DHRS4L2: variants seen among roughly 807,000 people sequenced by gnomAD.
DHRS4L2 encodes the protein dehydrogenase/reductase 4 like 2, also known as dehydrogenase/reductase SDR family member 4-like 2.
DHRS4L2 carries 22 observed loss-of-function variants against 23.9 expected under a neutral mutation model. That is an observed-to-expected ratio of 0.92 (90% CI 0.66 to 1.31). The LOEUF (loss-of-function observed/expected upper bound fraction) is 1.31, where lower values mean the gene tolerates loss of function less well. DHRS4L2 is among the 40% of genes most tolerant of loss of function. The pLI, the probability that DHRS4L2 is intolerant of heterozygous loss-of-function variation, is 0.00. For missense variants in DHRS4L2, 385 were observed against 303.3 expected (o/e 1.27, Z -2.00); for synonymous variants, 141 against 123.7 (o/e 1.14, Z -0.93).
At chr14:23,975,054 TA>T (rs1486667573) in intron 1 of DHRS4L2, among the ~76,000 whole-genome samples, 1 of 151,720 alleles carries the variant, frequency 6.6e-6, no homozygotes, top group Non-Finnish European at 1.5e-5. Context: ...TCACCACTCT[TA>T]TTCAACATAG....
rs185790808 is a variant in DHRS4L2, at chr14:23,976,309, C to A, written c.-176+5977C>A. ...AGTGGGTAAAAAGTATGAACAGAAA[C>A]TTCTCAAAAGAAGACATTTACACAG... On this transcript the variant is annotated intron_variant, in intron 1 of 5. Coordinates refer to the DHRS4L2 transcript ENST00000534993. 3.5e-3 allele frequency among the ~76,000 whole-genome samples: 538 copies of A among 151,904 alleles called. 7 individuals carry two copies. The highest frequency in any genetic ancestry group is 5.7e-3 in the Non-Finnish European group (387 of 67,928).
intron 2 of DHRS4L2, among the ~76,000 whole-genome samples, chr14:23,993,792 T>C (rs1473056145): frequency 1.3e-5 from 2 of 151,734 alleles, no homozygotes; most frequent in Non-Finnish European, 2.9e-5. Flanking sequence ...ATGGAATTGC[T>C]TTAAATTCAG....
intron 1 of DHRS4L2, among the ~76,000 whole-genome samples, chr14:23,975,627 A>G (rs1333486258): frequency 1.3e-5 from 2 of 151,868 alleles, no homozygotes; most frequent in African/African-American, 4.8e-5. Context: ...AGCCAAGGAA[A>G]TCATAAGCAA....
intron 1 of DHRS4L2, among the ~76,000 whole-genome samples, chr14:23,977,714 A>G (rs1365270419): frequency 2.0e-5 from 3 of 151,548 alleles, no homozygotes; most frequent in African/African-American, 7.3e-5. Flanking sequence ...GACTAGAGAG[A>G]ATTAAATGAC....
chr14:23,973,130 C>G (rs538991233), intron 1 of DHRS4L2, among the ~76,000 whole-genome samples: 12 of 152,056 alleles, frequency 7.9e-5, no homozygotes, highest in African/African-American at 2.9e-4. Flanking sequence ...TTTACTAATC[C>G]ACCAGAGCAC....
At chr14:23,993,872 G>A (rs916015106) in intron 2 of DHRS4L2, among the ~76,000 whole-genome samples, 6 of 151,486 alleles carry the variant, frequency 4.0e-5, no homozygotes, top group African/African-American at 1.5e-4. Context: ...CACTTTCAGA[G>A]GTCTCTTATG....
intron 1 of DHRS4L2, among the ~76,000 whole-genome samples, chr14:23,981,841 C>T (rs956052934): frequency 2.0e-5 from 3 of 151,744 alleles, no homozygotes; most frequent in African/African-American, 7.3e-5. Context: ...TGCTTCTCTC[C>T]ACCCAAACAT....
intron 1 of DHRS4L2, among the ~76,000 whole-genome samples, chr14:23,977,532 T>A (rs1227876317): frequency 6.7e-6 from 1 of 148,660 alleles, no homozygotes; most frequent in Non-Finnish European, 1.5e-5. Context: ...CGGGGAAAAA[T>A]TCATCAAAAC....
At chr14:23,975,719 G>A (rs1459672379) in intron 1 of DHRS4L2, among the ~76,000 whole-genome samples, 2 of 151,836 alleles carry the variant, frequency 1.3e-5, no homozygotes, top group South Asian at 2.1e-4. Context: ...CATGGTACCG[G>A]TACCAAAACA....
At chr14:23,999,999 GTT>G (rs71426826) in intron 3 of DHRS4L2, among the ~76,000 whole-genome samples, 2 of 133,914 alleles carry the variant, frequency 1.5e-5, no homozygotes, top group Admixed American at 7.0e-5. Flanking sequence ...CCAGCCCTGA[GTT>G]TTTTTTTTTT....
intron 1 of DHRS4L2, among the ~76,000 whole-genome samples, chr14:23,982,660 A>G (rs1431800626): frequency 6.6e-6 from 1 of 151,430 alleles, no homozygotes; most frequent in Admixed American, 6.6e-5. Flanking sequence ...CACACCTACA[A>G]CCATCAGATT....
rs759280805 is a variant in DHRS4L2 at position 23,971,645 on chromosome 14, C to T, written c.-176+1313C>T. Among the ~76,000 whole-genome samples the T allele has an allele frequency of 4.8e-4, 73 of 152,140 alleles. 1 individual carries two copies. Among genetic ancestry groups the T allele is most frequent in the African/African-American group, 3.1e-4 (13 of 41,552 alleles). ...AGCAGATCTCTCAGCAGAAACCATACAAACCAGAAAAGAGTTGGGACCAAT... is the reference window on the plus strand; with the variant it reads ...AGCAGATCTCTCAGCAGAAACCATATAAACCAGAAAAGAGTTGGGACCAAT... On this transcript the variant is annotated intron_variant, in intron 1 of 5. Transcript: ENST00000534993.
upstream of DHRS4L2, among the ~76,000 whole-genome samples, chr14:23,987,847 C>A (rs1376769789): frequency 6.6e-6 from 1 of 151,760 alleles, no homozygotes; most frequent in African/African-American, 2.4e-5. Flanking sequence ...TAAACTAATT[C>A]AGATACTTAC....
chr14:23,992,414 C>A (rs1290832489), intron 2 of DHRS4L2, among the ~76,000 whole-genome samples: 1 of 151,536 alleles, frequency 6.6e-6, no homozygotes, highest in African/African-American at 2.4e-5. Context: ...TGATAGAATA[C>A]TTGTCAGCAA....
intron 7 of DHRS4L2, among the ~76,000 whole-genome samples, chr14:24,005,555 A>G (rs2034555559): frequency 6.6e-6 from 1 of 152,092 alleles, no homozygotes; most frequent in African/African-American, 2.4e-5. Context: ...TGCACATGTG[A>G]AACCATTTTT....
rs2034491758 is a variant in DHRS4L2, at chr14:24,001,608, C to G, written c.665+91C>G. ...AAGCCCACTACCTGAGTCCTGAGCT[C>G]TCAGCCACTCCATTCTCCTTCCCTG... On this transcript the variant is annotated intron_variant, in intron 6 of 7. Transcript: ENST00000335125. 6.5e-6 allele frequency: 10 copies of G among 1,526,736 alleles called. No individual in the cohort carries two copies. The South Asian group carries it at 1.3e-4, about 19-fold the overall frequency. 94.6% of individuals were successfully genotyped at this position (1,526,736 alleles called of 1,614,324 possible). A position where few individuals can be genotyped will look rare whatever the true frequency, so the allele number is the denominator to read the frequency against.
chr14:23,996,871 C>A (rs1279042332), intron 3 of DHRS4L2, among the ~76,000 whole-genome samples: 6 of 151,994 alleles, frequency 3.9e-5, no homozygotes, highest in Non-Finnish European at 7.4e-5. Flanking sequence ...CTGGCCTCAA[C>A]TGATCCCCAC....
intron 1 of DHRS4L2, among the ~76,000 whole-genome samples, chr14:23,979,349 C>A (rs1428115239): frequency 8.4e-6 from 1 of 118,570 alleles, no homozygotes; most frequent in Non-Finnish European, 1.7e-5. Flanking sequence ...CAATGGGAGA[C>A]GTTAACACCC....
At chr14:24,000,584 C>A (rs1334229896) in intron 3 of DHRS4L2, among the ~76,000 whole-genome samples, 2 of 151,640 alleles carry the variant, frequency 1.3e-5, no homozygotes, top group Non-Finnish European at 3.0e-5. Flanking sequence ...TCCAAAGGCC[C>A]CTTCTGGCCC....
Sources: gnomAD v4.1 joint callset for allele counts (sites outside exome capture counted in the v4.1 genomes callset) on GRCh38, gnomAD v4.1.1 for gene constraint, MANE v1.5 for transcripts, NCBI Gene and HGNC (gene_info 2026-07-23, HGNC 2026-07-21) for gene names.